Variants in MYZAP observed in about 807,000 individuals in gnomAD.
The protein encoded by MYZAP is GRINL1A complex locus upstream.
Under a neutral mutation model 69.4 loss-of-function variants are expected in MYZAP, and 66 were observed. That is an observed-to-expected ratio of 0.95 (90% CI 0.78 to 1.17). The LOEUF is 1.17. MYZAP is among the 50% of genes most tolerant of loss of function. MYZAP has a pLI of 0.00. For missense variants in MYZAP, 611 were observed against 556.2 expected, an observed-to-expected ratio of 1.10 and a Z score of -0.99; for synonymous variants, 256 against 205.9, an observed-to-expected ratio of 1.24 and a Z score of -2.09.
chr15:57,659,752 C>CT (rs368196440), intron 10 of MYZAP, among the ~76,000 whole-genome samples: 11 of 152,094 alleles, frequency 7.2e-5, no homozygotes, highest in Non-Finnish European at 1.3e-4. Flanking sequence ...TTAGGGTTCA[C>CT]TTTTTTTCTT....
intron 12 of MYZAP, among the ~76,000 whole-genome samples, chr15:57,682,830 T>C (rs1258961418): frequency 1.3e-5 from 2 of 152,168 alleles, no homozygotes; most frequent in Non-Finnish European, 2.9e-5. Context: ...CTGCCCCTTC[T>C]TCCTGGAGTT....
chr15:57,633,421 A>G (rs2036624011), intron 7 of MYZAP, among the ~76,000 whole-genome samples, 192 bp from the exon 8 acceptor site: 1 of 152,194 alleles, frequency 6.6e-6, no homozygotes, highest in Non-Finnish European at 1.5e-5. Flanking sequence ...TTAACCAGCC[A>G]CATGATGTAT....
chr15:57,629,637 T>A, intron 5 of MYZAP, 65 bp from the exon 6 acceptor site: 4 of 1,556,642 alleles, frequency 2.6e-6, no homozygotes, highest in Non-Finnish European at 3.5e-6. Flanking sequence ...TGCCCCAGCA[T>A]GTGGTGCAGC....
intron 4 of MYZAP, 139 bp downstream of exon 4, chr15:57,621,839 T>C: frequency 1.4e-6 from 1 of 736,258 alleles, no homozygotes; most frequent in Non-Finnish European, 2.0e-6. Context: ...ACTGAGAAAA[T>C]TTTATCACAG....
At chr15:57,634,890 A>C (rs192415962) in intron 8 of MYZAP, among the ~76,000 whole-genome samples, 11 of 152,310 alleles carry the variant, frequency 7.2e-5, no homozygotes, top group African/African-American at 2.2e-4. Context: ...GTGGTGGTGA[A>C]GATTGGGCAA....
intron 10 of MYZAP, among the ~76,000 whole-genome samples, chr15:57,655,424 A>C (rs1267308283): frequency 6.6e-6 from 1 of 152,166 alleles, no homozygotes; most frequent in Non-Finnish European, 1.5e-5. Context: ...GTGAGTTCGA[A>C]CATTAAAAGC....
chr15:57,663,980 A>G (rs1302631498), intron 11 of MYZAP, among the ~76,000 whole-genome samples: 1 of 152,150 alleles, frequency 6.6e-6, no homozygotes, highest in African/African-American at 2.4e-5. Flanking sequence ...TTGCATAATA[A>G]CAAGATTTAA....
In MYZAP at chr15:57,637,757, T is replaced by C; in HGVS notation, c.996T>C (p.Thr332=). Residue 332 remains threonine, a synonymous_variant, in exon 9 of 13, where the codon ACT becomes ACC. Coordinates refer to ENST00000267853, the MANE Select transcript of MYZAP (RefSeq NM_001018100.5). The part of the protein sequence containing the change: ...EHETEMSGEL[T]DSDKERYQQL... ...AAACAGAAATGTCTGGGGAGTTAAC[T>C]GATTCTGACAAGGAAAGGTAAGACG... 6.2e-7 allele frequency: 1 copy of C among 1,611,786 alleles called. No individual in the cohort carries two copies. Among genetic ancestry groups the C allele is most frequent in the Non-Finnish European group, 8.5e-7 (1 of 1,178,856 alleles).
intron 1 of MYZAP, among the ~76,000 whole-genome samples, chr15:57,600,452 G>C (rs1481908701): frequency 1.3e-5 from 2 of 152,168 alleles, no homozygotes; most frequent in Admixed American, 1.3e-4. Context: ...GTATACCTCA[G>C]GGTATTGCTC....
intron 11 of MYZAP, among the ~76,000 whole-genome samples, chr15:57,665,701 G>A (rs1258219838): frequency 2.0e-5 from 3 of 152,172 alleles, no homozygotes; most frequent in African/African-American, 7.2e-5. Context: ...CGGAAGACAT[G>A]CATCACTTCT....
chr15:57,663,132 C>G (rs1233738272), intron 11 of MYZAP, among the ~76,000 whole-genome samples: 4 of 152,088 alleles, frequency 2.6e-5, no homozygotes, highest in Non-Finnish European at 5.9e-5. Flanking sequence ...GCCCATGTGG[C>G]CAAAGAGAAG....
intron 7 of MYZAP, 78 bp from the exon 8 acceptor site, chr15:57,633,535 A>G: frequency 6.9e-7 from 1 of 1,450,556 alleles, no homozygotes; most frequent in South Asian, 1.7e-5. Flanking sequence ...TGATCTAGCA[A>G]GGCCTGAGCT....
chr15:57,677,101 C>T (rs114872892), intron 12 of MYZAP, among the ~76,000 whole-genome samples: 324 of 152,280 alleles, frequency 2.1e-3, no homozygotes, highest in African/African-American at 7.6e-3. Context: ...CAGAATCTTT[C>T]GGTAACTCAG....
intron 3 of MYZAP, among the ~76,000 whole-genome samples, chr15:57,619,011 C>T (rs945426859): frequency 6.6e-6 from 1 of 152,216 alleles, no homozygotes; most frequent in Admixed American, 6.5e-5. Flanking sequence ...AGCTCCAGCT[C>T]TGTGTCTGGC....
intron 10 of MYZAP, among the ~76,000 whole-genome samples, chr15:57,644,447 T>C (rs1191380793): frequency 2.0e-5 from 3 of 152,094 alleles, no homozygotes; most frequent in Admixed American, 2.0e-4. Context: ...TCTTTTTTTA[T>C]TTTTTATTTT....
intron 11 of MYZAP, among the ~76,000 whole-genome samples, chr15:57,668,464 G>T (rs538143761): frequency 5.0e-4 from 76 of 152,098 alleles, no homozygotes; most frequent in Non-Finnish European, 1.1e-3. Flanking sequence ...TTTAAATTTA[G>T]CCATTCAGTG....
intron 10 of MYZAP, among the ~76,000 whole-genome samples, chr15:57,657,132 G>A (rs1002051290): frequency 2.0e-5 from 3 of 152,098 alleles, no homozygotes; most frequent in Admixed American, 2.0e-4. Context: ...TCATTAAGGT[G>A]TTTTAAAACC....
intron 1 of MYZAP, among the ~76,000 whole-genome samples, chr15:57,603,925 C>T (rs1490996763): frequency 6.6e-6 from 1 of 152,184 alleles, no homozygotes; most frequent in African/African-American, 2.4e-5. Context: ...TATATTTTGG[C>T]TTCTTTCCCT....
At chr15:57,594,663 A>G (rs912380103) in intron 1 of MYZAP, among the ~76,000 whole-genome samples, 1 of 152,170 alleles carries the variant, frequency 6.6e-6, no homozygotes, top group African/African-American at 2.4e-5. Context: ...AGTGCACTCT[A>G]TGATGATTAC....
Sources: allele counts gnomAD v4.1 joint callset (sites outside exome capture counted in the v4.1 genomes callset), GRCh38; gene constraint gnomAD v4.1.1; transcripts MANE v1.5; gene names NCBI Gene and HGNC (gene_info 2026-07-23, HGNC 2026-07-21).